SOX5: variants seen among roughly 807,000 people sequenced by gnomAD.
SOX5 encodes transcription factor SOX-5.
SOX5 carries 9 observed loss-of-function variants against 92.0 expected under a neutral mutation model. The ratio of observed to expected loss-of-function variants is 0.10; its 90% CI spans 0.06 to 0.17. The LOEUF (loss-of-function observed/expected upper bound fraction) is 0.17. Ranked by LOEUF, SOX5 falls within the 10% of genes least tolerant of loss-of-function variation. The probability of loss-of-function intolerance (pLI) is 1.00; values close to 1 mark genes in which losing one functional copy is unlikely to be tolerated. For missense variants in SOX5, 642 were observed against 944.5 expected, an observed-to-expected ratio of 0.68 and a Z score of 4.20; for synonymous variants, 344 against 336.3, an observed-to-expected ratio of 1.02 and a Z score of -0.25.
In SOX5 at chr12:23,563,453, G is replaced by T. The variant is rs567218169; in HGVS notation, c.1343-50C>A. ...TATCTTTTGTATAAAAGCATGTCTA[G>T]GCTAGCGTTTAACCATAAAAATCAC... On this transcript the variant is annotated intron_variant, in intron 10 of 14. Transcript: ENST00000451604. The T allele has an allele frequency of 1.5e-5, 24 of 1,557,720 alleles. No individual in the cohort carries two copies. In the Middle Eastern group the frequency reaches 5.1e-4, roughly 33 times the overall value.
intron 4 of SOX5, among the ~76,000 whole-genome samples, chr12:24,076,043 C>A (rs372620543): frequency 2.0e-5 from 3 of 152,214 alleles, no homozygotes; most frequent in Admixed American, 6.5e-5. Flanking sequence ...GTAACTTTCG[C>A]CCCATTGGTT....
intron 3 of SOX5, among the ~76,000 whole-genome samples, chr12:23,828,575 T>C (rs2096268228): frequency 6.6e-6 from 1 of 152,154 alleles, no homozygotes; most frequent in Non-Finnish European, 1.5e-5. Context: ...GAGCTTATAC[T>C]TCATAAAAGT....
At chr12:24,383,990 T>C (rs1199182781) in intron 1 of SOX5, among the ~76,000 whole-genome samples, 1 of 152,134 alleles carries the variant, frequency 6.6e-6, no homozygotes, top group Non-Finnish European at 1.5e-5. Context: ...CAAGATCTGA[T>C]GGTTTTATAA....
At chr12:24,359,617 T>C (rs4963755) in intron 2 of SOX5, among the ~76,000 whole-genome samples, 52,131 of 152,170 alleles carry the variant, frequency 0.34, 10,586 homozygotes, top group East Asian at 0.45. Context: ...TTGCAACATA[T>C]TGCATTCCAA....
chr12:23,663,632 C>CTT (rs148788898), intron 7 of SOX5, among the ~76,000 whole-genome samples: 1 of 151,638 alleles, frequency 6.6e-6, no homozygotes, highest in African/African-American at 2.4e-5. Flanking sequence ...TAGAAAGTGT[C>CTT]TTTTTTTTGT....
intron 6 of SOX5, among the ~76,000 whole-genome samples, chr12:23,706,877 T>C: frequency 6.6e-6 from 1 of 152,080 alleles, no homozygotes; most frequent in East Asian, 1.9e-4. Flanking sequence ...AAATTTGGAA[T>C]TGTTGCAGAA....
intron 3 of SOX5, among the ~76,000 whole-genome samples, chr12:23,834,344 C>T (rs1310657823): frequency 6.6e-6 from 1 of 151,910 alleles, no homozygotes; most frequent in Non-Finnish European, 1.5e-5. Context: ...AGTCAGATTA[C>T]ATATGATTTT....
chr12:23,666,400 A>C (rs897345053), intron 6 of SOX5, among the ~76,000 whole-genome samples: 1 of 152,178 alleles, frequency 6.6e-6, no homozygotes, highest in Non-Finnish European at 1.5e-5. Context: ...TAGAATCACT[A>C]TCTTGTTTGA....
At chr12:23,592,336 T>C (rs1951688112) in intron 9 of SOX5, among the ~76,000 whole-genome samples, 1 of 152,182 alleles carries the variant, frequency 6.6e-6, no homozygotes, top group Non-Finnish European at 1.5e-5. Flanking sequence ...AAAACCAAAA[T>C]GATAAAACAT....
chr12:23,582,331 A>G (rs1950159896), intron 9 of SOX5: 3 of 975,190 alleles, frequency 3.1e-6, no homozygotes, highest in South Asian at 4.7e-5. Flanking sequence ...ATCTATAAAG[A>G]GATGGAAGTG....
intron 4 of SOX5, among the ~76,000 whole-genome samples, chr12:24,054,078 T>C (rs979601292): frequency 6.6e-6 from 1 of 152,216 alleles, no homozygotes; most frequent in African/African-American, 2.4e-5. Context: ...AACTCTTTAC[T>C]GTATTTGAAA....
At chr12:23,672,216 A>G (rs1386620600) in intron 6 of SOX5, among the ~76,000 whole-genome samples, 2 of 152,068 alleles carry the variant, frequency 1.3e-5, no homozygotes, top group Non-Finnish European at 2.9e-5. Flanking sequence ...ACTTCCCCAC[A>G]TCCAATCCCC....
At chr12:24,046,910 C>T (rs1957092453) in intron 4 of SOX5, among the ~76,000 whole-genome samples, 1 of 151,882 alleles carries the variant, frequency 6.6e-6, no homozygotes, top group Non-Finnish European at 1.5e-5. Flanking sequence ...TGGTCTCAAA[C>T]TCCTGACCTC....
At chr12:24,388,574 T>G (rs73281465) in intron 1 of SOX5, among the ~76,000 whole-genome samples, 3,336 of 152,260 alleles carry the variant, frequency 0.022, 103 homozygotes, top group African/African-American at 0.075. Flanking sequence ...GTACCAATCC[T>G]CATTCTCCTT....
At chr12:24,235,928 G>A (rs190744714) in intron 3 of SOX5, among the ~76,000 whole-genome samples, 13 of 152,206 alleles carry the variant, frequency 8.5e-5, no homozygotes, top group South Asian at 4.2e-4. Flanking sequence ...GGTGGCTCAC[G>A]CCTGTAATCC....
chr12:23,782,487 A>G (rs934660274), intron 3 of SOX5, among the ~76,000 whole-genome samples: 1 of 152,148 alleles, frequency 6.6e-6, no homozygotes, highest in Non-Finnish European at 1.5e-5. Flanking sequence ...AGAAAGTTCC[A>G]AGTATCTAAA....
intron 1 of SOX5, among the ~76,000 whole-genome samples, chr12:24,478,119 G>C (rs368467131): frequency 1.3e-5 from 2 of 152,242 alleles, no homozygotes. Context: ...ACATCCAAAT[G>C]TTTTTGGCCA....
chr12:23,603,464 A>ATAAAATATATATATATATATATATG (rs2074820759), intron 9 of SOX5, among the ~76,000 whole-genome samples: 1 of 145,612 alleles, frequency 6.9e-6, no homozygotes, highest in Admixed American at 6.9e-5. Flanking sequence ...ATATATATAT[A>ATAAAATATATATATATATATATATG]TATTTTGCTG....
chr12:24,310,082 C>T (rs993766946), intron 2 of SOX5, among the ~76,000 whole-genome samples: 4 of 152,156 alleles, frequency 2.6e-5, no homozygotes, highest in African/African-American at 9.6e-5. Context: ...ATCATATCTG[C>T]GTGAGGATGT....
Sources: allele counts gnomAD v4.1 joint callset (sites outside exome capture counted in the v4.1 genomes callset), GRCh38; gene constraint gnomAD v4.1.1; transcripts MANE v1.5; gene names NCBI Gene and HGNC (gene_info 2026-07-23, HGNC 2026-07-21).